USP33: variants seen among roughly 807,000 people sequenced by gnomAD.
USP33 encodes ubiquitin carboxyl-terminal hydrolase 33.
USP33 carries 46 observed loss-of-function variants against 124.2 expected under a neutral mutation model. That is an observed-to-expected ratio of 0.37 (90% CI 0.29 to 0.47). The LOEUF is 0.47. USP33 is among the 20% of genes least tolerant of loss of function. The pLI, the probability that USP33 is intolerant of heterozygous loss-of-function variation, is 0.99. For synonymous variants in USP33, 350 were observed against 352.3 expected, an observed-to-expected ratio of 0.99 and a Z score of 0.07; for missense variants, 851 against 1,070.6, an observed-to-expected ratio of 0.79 and a Z score of 2.86.
chr1:77,709,882 TACAC>T lies in USP33; in HGVS notation c.2406+1861_2406+1864del, dbSNP rs35770178. ...TCAAGTTTCTATACATGCATACACA[TACAC>T]ACACACACACACACACACACACACA... On this transcript the variant is annotated intron_variant, in intron 21 of 23. Coordinates refer to ENST00000370794, the MANE Select transcript of USP33 (RefSeq NM_201624.3). Among the ~76,000 whole-genome samples the T allele has an allele frequency of 4.7e-3, 680 of 144,860 alleles. 2 individuals carry two copies. Among genetic ancestry groups the T allele is most frequent in the Middle Eastern group, 0.011 (3 of 284 alleles).
Position 77,739,353 on chromosome 1 carries a change from T to C in USP33, c.263A>G (p.Lys88Arg). The change falls in exon 5 of 24, where the codon AAA becomes AGA. Residue 88 changes from lysine (K) to arginine (R), a missense_variant. Around this residue, in one of 4 missense-constraint regions of USP33, gnomAD observed 221 missense variants for 302.9 expected, o/e 0.73. Coordinates refer to ENST00000370794, the MANE Select transcript of USP33 (RefSeq NM_201624.3). ...TAATTTCCTATCCAAAAATACTTCT[T>C]TGCTGCAAGCATAACACCATACTCG... ...TLRVWCYACS[K>R]EVFLDRKLGT... 6.2e-7 allele frequency: 1 copy of C among 1,613,932 alleles called. No homozygotes were observed. Among genetic ancestry groups the C allele is most frequent in the Non-Finnish European group, 8.5e-7 (1 of 1,179,930 alleles).
intron 11 of USP33, among the ~76,000 whole-genome samples, chr1:77,724,120 G>T (rs1307489113): frequency 6.6e-6 from 1 of 152,144 alleles, no homozygotes; most frequent in African/African-American, 2.4e-5. Context: ...GAAGAGGTTA[G>T]AAAGTGAGGG....
chr1:77,713,552 C>CTTTT, intron 19 of USP33: 1 of 181,104 alleles, frequency 5.5e-6, no homozygotes, highest in Non-Finnish European at 1.0e-5. Context: ...ACCCAGCTAA[C>CTTTT]TTTTCTTTTT....
chr1:77,727,976 T>G (rs1010596516), intron 10 of USP33, among the ~76,000 whole-genome samples: 1 of 152,182 alleles, frequency 6.6e-6, no homozygotes, highest in Non-Finnish European at 1.5e-5. Context: ...GTTATTTGCT[T>G]TTTTCCAGGA....
At chr1:77,750,667 A>AGAAAGAAAGAAAGAAAGAAAGAAAG (rs1557872836) in intron 1 of USP33, among the ~76,000 whole-genome samples, 5 of 150,874 alleles carry the variant, frequency 3.3e-5, no homozygotes, top group African/African-American at 1.2e-4. Flanking sequence ...AAAGAAAGAA[A>AGAAAGAAAGAAAGAAAGAAAGAAAG]GAAAGAAAGA....
intron 1 of USP33, among the ~76,000 whole-genome samples, chr1:77,755,277 A>G (rs1273026882): frequency 6.6e-6 from 1 of 152,378 alleles, no homozygotes; most frequent in Non-Finnish European, 1.5e-5. Context: ...TGCTATCACC[A>G]TATTCAAATG....
At chr1:77,757,676 TC>T (rs769962506) in intron 1 of USP33, among the ~76,000 whole-genome samples, 16 of 152,374 alleles carry the variant, frequency 1.1e-4, no homozygotes, top group Non-Finnish European at 1.9e-4. Flanking sequence ...GAGTCCACAG[TC>T]TTGTCATATG....
At chr1:77,732,634 C>A (rs1320180416) in intron 7 of USP33, among the ~76,000 whole-genome samples, 1 of 152,006 alleles carries the variant, frequency 6.6e-6, no homozygotes, top group Non-Finnish European at 1.5e-5. Context: ...ATTACTGTAC[C>A]CCGTCACACA....
chr1:77,733,850 G>A (rs1380003666), intron 7 of USP33, among the ~76,000 whole-genome samples: 2 of 152,076 alleles, frequency 1.3e-5, no homozygotes, highest in African/African-American at 4.8e-5. Flanking sequence ...AAGGGAAAGG[G>A]TAATGTCAAA....
chr1:77,697,642 G>A, intron 23 of USP33, 168 bp from the exon 24 acceptor site: 1 of 924,796 alleles, frequency 1.1e-6, no homozygotes. Flanking sequence ...CATATGGCTT[G>A]TCTTAAAAAG....
intron 14 of USP33, 60 bp from the exon 15 acceptor site, chr1:77,721,265 C>A: frequency 2.5e-6 from 4 of 1,591,274 alleles, no homozygotes; most frequent in Non-Finnish European, 3.4e-6. Flanking sequence ...TTATTATGGT[C>A]CTGTAATTAT....
intron 15 of USP33, chr1:77,720,176 A>AAC (rs1676417392): frequency 2.6e-6 from 1 of 378,062 alleles, no homozygotes; most frequent in Non-Finnish European, 3.6e-6. Context: ...AAAAAAAAAA[A>AAC]AAAAAAAAAA....
chr1:77,721,711 T>A, intron 14 of USP33, 120 bp downstream of exon 14: 1 of 841,142 alleles, frequency 1.2e-6, no homozygotes, highest in South Asian at 1.7e-5. Context: ...AATGCCAATA[T>A]GTGAATGTAC....
At chr1:77,736,586 T>C (rs945405422) in intron 5 of USP33, among the ~76,000 whole-genome samples, 1 of 152,118 alleles carries the variant, frequency 6.6e-6, no homozygotes, top group Non-Finnish European at 1.5e-5. Flanking sequence ...CAATCTCTCC[T>C]GATACTTATT....
At chr1:77,698,070 T>C in intron 22 of USP33, 139 bp from the exon 23 acceptor site, 1 of 338,334 alleles carries the variant, frequency 3.0e-6, no homozygotes, top group East Asian at 6.4e-5. Context: ...AGTTAATTCT[T>C]TTTTTTTTTT....
intron 21 of USP33, among the ~76,000 whole-genome samples, chr1:77,709,660 C>A (rs1675016125): frequency 1.3e-5 from 2 of 149,538 alleles, no homozygotes; most frequent in South Asian, 2.1e-4. Context: ...CTAGATAGAT[C>A]TATATATATA....
At chr1:77,731,541 T>TC (rs890229139) in intron 7 of USP33, among the ~76,000 whole-genome samples, 11 of 151,566 alleles carry the variant, frequency 7.3e-5, no homozygotes, top group Non-Finnish European at 2.9e-5. Context: ...GTGTAATCTT[T>TC]TTTTTTTTTT....
intron 22 of USP33, among the ~76,000 whole-genome samples, chr1:77,701,164 T>C (rs147029228): frequency 5.4e-4 from 82 of 152,312 alleles, no homozygotes; most frequent in African/African-American, 1.9e-3. Context: ...TTCAGTCCTC[T>C]TATTCCTGCT....
At chr1:77,752,212 C>G (rs1369265189) in intron 1 of USP33, among the ~76,000 whole-genome samples, 2 of 151,838 alleles carry the variant, frequency 1.3e-5, no homozygotes, top group African/African-American at 4.8e-5. Flanking sequence ...TCTCGGCTCA[C>G]TTGCAACTTC....
Sources: allele counts gnomAD v4.1 joint callset (sites outside exome capture counted in the v4.1 genomes callset), GRCh38; gene constraint gnomAD v4.1.1; regional missense constraint gnomAD v4.1.1; transcripts MANE v1.5; gene names NCBI Gene and HGNC (gene_info 2026-07-23, HGNC 2026-07-21).